The following AMPH variants were observed in gnomAD, a reference collection of about 807,000 sequenced individuals.
AMPH encodes amphiphysin.
AMPH carries 49 observed loss-of-function variants against 99.1 expected under a neutral mutation model. The ratio of observed to expected loss-of-function variants is 0.49; its 90% CI spans 0.39 to 0.63. The LOEUF (loss-of-function observed/expected upper bound fraction) is 0.63, where lower values mean the gene tolerates loss of function less well. Among genes scored for constraint, AMPH ranks in the 20% least tolerant of loss-of-function variants. The pLI, the probability that AMPH is intolerant of heterozygous loss-of-function variation, is 0.00. For synonymous variants in AMPH, 314 were observed against 317.3 expected (o/e 0.99, Z 0.11); for missense variants, 759 against 863.4 (o/e 0.88, Z 1.52).
chr7:38,531,637 T>A (rs889064212), intron 2 of AMPH, among the ~76,000 whole-genome samples: 1 of 152,126 alleles, frequency 6.6e-6, no homozygotes. Flanking sequence ...ATAAAAGGAA[T>A]CTAAAAGCAA....
intron 1 of AMPH, among the ~76,000 whole-genome samples, chr7:38,560,080 G>A (rs548169092): frequency 6.6e-6 from 1 of 152,330 alleles, no homozygotes; most frequent in Admixed American, 6.5e-5. Context: ...TTCGCAGTGT[G>A]ACCCTTCAGC....
chr7:38,503,081 C>G (rs1213739178), intron 3 of AMPH, among the ~76,000 whole-genome samples: 2 of 152,230 alleles, frequency 1.3e-5, no homozygotes, highest in Admixed American at 1.3e-4. Context: ...TCTCCCTCCT[C>G]CAGTGGCCTC....
intron 17 of AMPH, among the ~76,000 whole-genome samples, chr7:38,399,408 A>C (rs778100228): frequency 3.3e-5 from 5 of 152,250 alleles, no homozygotes; most frequent in Non-Finnish European, 5.9e-5. Context: ...AATACTTCCA[A>C]TGCCGTATTT....
rs575270627 is a variant in AMPH at position 38,461,522 on chromosome 7, G to A, written c.889-111C>T. 993 of 1,298,654 alleles carry A rather than the reference G, an allele frequency of 7.6e-4. 1 individual carries two copies. Among genetic ancestry groups the A allele is most frequent in the Non-Finnish European group, 1.0e-3 (949 of 914,334 alleles). 80.4% of individuals were successfully genotyped at this position (1,298,654 alleles called of 1,614,324 possible). On this transcript the variant is annotated intron_variant, in intron 10 of 20. Coordinates refer to ENST00000356264, the MANE Select transcript of AMPH (RefSeq NM_001635.4). Reference sequence around the variant, plus strand: ...ACAGATTGAGCTCTGATTGAAACTTGTATCTGCATATAGCAGCAAGCCTAT... The same window carrying A: ...ACAGATTGAGCTCTGATTGAAACTTATATCTGCATATAGCAGCAAGCCTAT...
chr7:38,525,184 T>C (rs1349065082), intron 2 of AMPH, among the ~76,000 whole-genome samples: 1 of 150,226 alleles, frequency 6.7e-6, no homozygotes, highest in African/African-American at 2.4e-5. Flanking sequence ...GTTGTGTATA[T>C]ATATACACAA....
chr7:38,592,043 A>G (rs549255884), intron 1 of AMPH, among the ~76,000 whole-genome samples: 1 of 152,152 alleles, frequency 6.6e-6, no homozygotes, highest in South Asian at 2.1e-4. Context: ...AGTGATAAAC[A>G]GTTTCTATTA....
At chr7:38,414,625 T>G (rs948252055) in intron 17 of AMPH, among the ~76,000 whole-genome samples, 10 of 152,204 alleles carry the variant, frequency 6.6e-5, no homozygotes, top group African/African-American at 2.4e-4. Context: ...CTTTACAACC[T>G]GATTCTCTAA....
At chr7:38,406,658 G>C (rs988399809) in intron 17 of AMPH, among the ~76,000 whole-genome samples, 1 of 149,988 alleles carries the variant, frequency 6.7e-6, no homozygotes, top group Non-Finnish European at 1.5e-5. Flanking sequence ...AGCATGGCTG[G>C]AACACCAAGT....
At chr7:38,511,508 A>G (rs1031204795) in intron 2 of AMPH, among the ~76,000 whole-genome samples, 1 of 152,230 alleles carries the variant, frequency 6.6e-6, no homozygotes, top group African/African-American at 2.4e-5. Context: ...AGAACCAACT[A>G]ACAATGGATA....
chr7:38,530,591 C>A (rs542455153), intron 2 of AMPH, among the ~76,000 whole-genome samples: 1 of 152,312 alleles, frequency 6.6e-6, no homozygotes, highest in South Asian at 2.1e-4. Flanking sequence ...GCTCAACCAG[C>A]CCTCAAGGTA....
chr7:38,384,878 G>T lies in AMPH; in HGVS notation c.2028C>A (p.Tyr676Ter). The change falls in exon 21 of 21, where the codon TAC becomes TAA. Residue 676 changes from tyrosine to a stop codon, truncating the protein, a stop_gained. Coordinates refer to ENST00000356264, the MANE Select transcript of AMPH (RefSeq NM_001635.4). LOFTEE classifies it high-confidence loss of function. ...GGCCTTTGTAGGTGGCAAGGTCTCTGTACTGAAGCCAGTCTGATTCCTTCA... is the reference window on the plus strand; with the variant it reads ...GGCCTTTGTAGGTGGCAAGGTCTCTTTACTGAAGCCAGTCTGATTCCTTCA... ...VGVKESDWLQYRDLATYKGLF... is the reference protein window; with the variant it reads ...VGVKESDWLQ The T allele has an allele frequency of 1.2e-6, 2 of 1,614,032 alleles. No individual in the cohort carries two copies. The highest frequency in any genetic ancestry group is 1.7e-6 in the Non-Finnish European group (2 of 1,179,960).
At chr7:38,422,679 G>C (rs1042899530) in intron 15 of AMPH, among the ~76,000 whole-genome samples, 1 of 151,730 alleles carries the variant, frequency 6.6e-6, no homozygotes, top group African/African-American at 2.4e-5. Flanking sequence ...CTGGAGTATA[G>C]TGGTATGATC....
At chr7:38,500,313 C>A (rs1789088036) in intron 3 of AMPH, among the ~76,000 whole-genome samples, 1 of 152,180 alleles carries the variant, frequency 6.6e-6, no homozygotes, top group South Asian at 2.1e-4. Context: ...GTAATTTAAG[C>A]AGAGATCTCT....
chr7:38,612,084 C>CTTTTTT (rs777855014), intron 1 of AMPH, among the ~76,000 whole-genome samples: 1,275 of 90,716 alleles, frequency 0.014, 32 homozygotes, highest in Non-Finnish European at 0.019. Flanking sequence ...TTTTTGTCTT[C>CTTTTTT]TTCTTTTTTT....
chr7:38,498,149 G>C (rs1275679156), intron 3 of AMPH, among the ~76,000 whole-genome samples: 1 of 152,122 alleles, frequency 6.6e-6, no homozygotes, highest in Non-Finnish European at 1.5e-5. Context: ...AGTTGCCCCA[G>C]TTCAAAAACT....
chr7:38,442,104 G>T (rs904237329), intron 11 of AMPH, among the ~76,000 whole-genome samples: 1 of 151,838 alleles, frequency 6.6e-6, no homozygotes, highest in Non-Finnish European at 1.5e-5. Flanking sequence ...TATTGGAAGT[G>T]GAAGGTAGGA....
intron 1 of AMPH, among the ~76,000 whole-genome samples, chr7:38,593,416 C>G: frequency 6.6e-6 from 1 of 152,308 alleles, no homozygotes; most frequent in Middle Eastern, 3.4e-3. Flanking sequence ...GGAGCAAGCC[C>G]GGCTGAATTA....
intron 16 of AMPH, 24 bp downstream of exon 16, chr7:38,422,397 G>C (rs1785610822): frequency 6.2e-7 from 1 of 1,601,800 alleles, no homozygotes; most frequent in African/African-American, 1.3e-5. Flanking sequence ...AACTTCCTGA[G>C]AGCACAAACC....
chr7:38,614,244 G>T (rs1052190942), intron 1 of AMPH, among the ~76,000 whole-genome samples: 4 of 152,164 alleles, frequency 2.6e-5, no homozygotes, highest in African/African-American at 9.7e-5. Flanking sequence ...AAATGAAAAG[G>T]GAGGAATTGA....
Sources: gnomAD v4.1 joint callset for allele counts (sites outside exome capture counted in the v4.1 genomes callset) on GRCh38, gnomAD v4.1.1 for gene constraint, MANE v1.5 for transcripts, NCBI Gene and HGNC (gene_info 2026-07-23, HGNC 2026-07-21) for gene names.